YIPF1: variants seen among roughly 807,000 people sequenced by gnomAD.
The protein encoded by YIPF1 is Yip1 domain family member 1.
A neutral mutation model predicts 37.0 loss-of-function variants in YIPF1; 22 were observed. That is an observed-to-expected ratio of 0.59 (90% CI 0.42 to 0.85). YIPF1 has a LOEUF of 0.85. YIPF1 is among the 40% of genes least tolerant of loss of function. The pLI is 0.00. For synonymous variants in YIPF1, 128 were observed against 131.9 expected, an observed-to-expected ratio of 0.97 and a Z score of 0.21; for missense variants, 355 against 373.1, an observed-to-expected ratio of 0.95 and a Z score of 0.40.
chr1:53,888,037 C>G (rs1650700706), intron 3 of YIPF1, among the ~76,000 whole-genome samples: 1 of 152,152 alleles, frequency 6.6e-6, no homozygotes, highest in Non-Finnish European at 1.5e-5. Flanking sequence ...ACCAGCCTGG[C>G]CAATATGGTG....
chr1:53,880,560 A>G (rs561259461), intron 4 of YIPF1, among the ~76,000 whole-genome samples: 1 of 152,334 alleles, frequency 6.6e-6, no homozygotes, highest in East Asian at 1.9e-4. Context: ...GAAAAAAACT[A>G]TTTTAAAATT....
intron 6 of YIPF1, among the ~76,000 whole-genome samples, chr1:53,873,751 T>C (rs1650256368): frequency 6.6e-6 from 1 of 151,612 alleles, no homozygotes. Flanking sequence ...CCCAGCACTT[T>C]GGGAGGCTGA....
intron 6 of YIPF1, among the ~76,000 whole-genome samples, chr1:53,875,574 A>C (rs1650314768): frequency 6.6e-6 from 1 of 152,218 alleles, no homozygotes; most frequent in African/African-American, 2.4e-5. Flanking sequence ...TTTGCATTCA[A>C]GCAAATGCCA....
Position 53,882,480 on chromosome 1 carries a change from C to T in YIPF1, c.195+633G>A, listed in dbSNP as rs867903170. Among the ~76,000 whole-genome samples, 105 of 150,564 alleles carry T rather than the reference C, an allele frequency of 7.0e-4. 1 individual carries two copies. Among genetic ancestry groups the T allele is most frequent in the African/African-American group, 2.4e-3 (96 of 40,842 alleles). On this transcript the variant is annotated intron_variant, in intron 4 of 10. Coordinates refer to ENST00000072644, the MANE Select transcript of YIPF1 (RefSeq NM_018982.5). ...TTTTTTTTTTTCTTTCTTCTGGAGACAGGGTCTCACTCTGTTGCCGAGGCT... is the reference window on the plus strand; with the variant it reads ...TTTTTTTTTTTCTTTCTTCTGGAGATAGGGTCTCACTCTGTTGCCGAGGCT...
At chr1:53,863,667 G>T (rs114498643) in intron 9 of YIPF1, among the ~76,000 whole-genome samples, 1 of 152,112 alleles carries the variant, frequency 6.6e-6, no homozygotes, top group South Asian at 2.1e-4. Flanking sequence ...TGGTTTCAGC[G>T]CCATCTGCCC....
chr1:53,865,033 C>T (rs947385035), intron 9 of YIPF1, among the ~76,000 whole-genome samples: 2 of 152,184 alleles, frequency 1.3e-5, no homozygotes, highest in African/African-American at 4.8e-5. Flanking sequence ...GACTCAAAAG[C>T]ACATGCTCTC....
At chr1:53,866,660 T>G in intron 8 of YIPF1, 98 bp downstream of exon 8, 3 of 1,403,898 alleles carry the variant, frequency 2.1e-6, no homozygotes, top group Non-Finnish European at 2.9e-6. Context: ...AACATGAGTA[T>G]TGCGCTGGAA....
chr1:53,883,069 G>C, intron 4 of YIPF1, 44 bp downstream of exon 4: 2 of 1,526,350 alleles, frequency 1.3e-6, no homozygotes, highest in Non-Finnish European at 1.8e-6. Flanking sequence ...ACATAAACAA[G>C]CTTTAAAAAT....
intron 7 of YIPF1, among the ~76,000 whole-genome samples, chr1:53,871,012 C>CAAAAA (rs57949076): frequency 1.5e-5 from 1 of 65,260 alleles, no homozygotes; most frequent in East Asian, 4.4e-4. Context: ...GTCACTGTCT[C>CAAAAA]AAAAAAAAAA....
chr1:53,879,437 A>G (rs1022362978), intron 4 of YIPF1, among the ~76,000 whole-genome samples: 8 of 151,832 alleles, frequency 5.3e-5, no homozygotes, highest in Non-Finnish European at 8.8e-5. Context: ...AATCCTCCCT[A>G]CTATTGCCAC....
intron 7 of YIPF1, among the ~76,000 whole-genome samples, chr1:53,869,009 C>T (rs1437218752): frequency 6.6e-6 from 1 of 152,140 alleles, no homozygotes; most frequent in Non-Finnish European, 1.5e-5. Context: ...CTGAATTAAA[C>T]TCAAATCAAG....
At chr1:53,883,390 A>T in intron 3 of YIPF1, 114 bp from the exon 4 acceptor site, 1 of 1,185,176 alleles carries the variant, frequency 8.4e-7, no homozygotes, top group Non-Finnish European at 1.1e-6. Context: ...ACCCTACCTG[A>T]TACAAAGGGC....
intron 3 of YIPF1, among the ~76,000 whole-genome samples, chr1:53,888,099 A>G (rs1441743361): frequency 4.6e-5 from 7 of 152,092 alleles, no homozygotes; most frequent in Non-Finnish European, 1.0e-4. Flanking sequence ...GGTGACGGGC[A>G]CCTGTAGTTC....
At chr1:53,876,550 AG>A (rs1452412006) in intron 6 of YIPF1, among the ~76,000 whole-genome samples, 3 of 152,330 alleles carry the variant, frequency 2.0e-5, no homozygotes, top group Admixed American at 2.0e-4. Flanking sequence ...GTCACAGAAA[AG>A]AAGCAAGCCT....
rs928682786 is a variant in YIPF1, at chr1:53,884,264, A to G, written c.32-988T>C. On this transcript the variant is annotated intron_variant, in intron 3 of 10. Transcript: ENST00000072644. ...AAAAAAAAAAAAACCCAAAAAACAA[A>G]AAAACACTCTTAGTTCTACCACATA... Among the ~76,000 whole-genome samples, 5 of 151,788 alleles carry G rather than the reference A, an allele frequency of 3.3e-5. No individual in the cohort carries two copies. The East Asian group carries it at 9.6e-4, about 29-fold the overall frequency.
At chr1:53,870,184 T>C (rs1317604500) in intron 7 of YIPF1, among the ~76,000 whole-genome samples, 4 of 87,056 alleles carry the variant, frequency 4.6e-5, no homozygotes, top group Admixed American at 1.1e-4. Context: ...TTTTTTTTTT[T>C]TTTTTGAGAC....
chr1:53,887,806 G>A (rs964090608), intron 3 of YIPF1, among the ~76,000 whole-genome samples: 11 of 152,286 alleles, frequency 7.2e-5, no homozygotes, highest in Admixed American at 7.2e-4. Context: ...ATTTTTCTGT[G>A]CCTCAGTCTC....
chr1:53,888,796 A>G lies in YIPF1; in HGVS notation c.31+111T>C, dbSNP rs1650724653. 1.1e-5 allele frequency: 12 copies of G among 1,091,026 alleles called. No individual in the cohort carries two copies. In the East Asian group the frequency reaches 3.0e-4, roughly 27 times the overall value. The allele number at this position is 1,091,026 out of a possible 1,614,324, so 67.6% of individuals were successfully genotyped here. A position where few individuals can be genotyped will look rare whatever the true frequency, so the allele number is the denominator to read the frequency against. On this transcript the variant is annotated intron_variant, in intron 3 of 10. Coordinates refer to ENST00000072644, the MANE Select transcript of YIPF1 (RefSeq NM_018982.5). Reference sequence around the variant, plus strand: ...CTGGATGTGGCCAACAGCCACCAAGATGTTTGAAATAATATCCTTCAATGT... The same window carrying G: ...CTGGATGTGGCCAACAGCCACCAAGGTGTTTGAAATAATATCCTTCAATGT...
chr1:53,856,904 T>C (rs1175001391), intron 10 of YIPF1, among the ~76,000 whole-genome samples: 1 of 152,238 alleles, frequency 6.6e-6, no homozygotes, highest in African/African-American at 2.4e-5. Flanking sequence ...GCAAGACCTG[T>C]GACTTGCTTC....
Sources: gnomAD v4.1 joint callset for allele counts (sites outside exome capture counted in the v4.1 genomes callset) on GRCh38, gnomAD v4.1.1 for gene constraint, MANE v1.5 for transcripts, NCBI Gene and HGNC (gene_info 2026-07-23, HGNC 2026-07-21) for gene names.